Variants in P2RY8 observed in about 807,000 individuals in gnomAD.
P2RY8 encodes the protein S-geranylgeranyl-glutathione receptor P2RY8.
P2RY8 carries 6 observed loss-of-function variants against 10.0 expected under a neutral mutation model. That is an observed-to-expected ratio of 0.60 (90% CI 0.33 to 1.19). P2RY8 has a LOEUF of 1.19. Ranked by LOEUF, P2RY8 falls within the 50% of genes most tolerant of loss-of-function variation. The pLI is 0.04. For synonymous variants in P2RY8, 276 were observed against 252.5 expected (o/e 1.09, Z -0.88); for missense variants, 456 against 542.0 (o/e 0.84, Z 1.58).
chrX:1,514,992 C>T (rs1206743906), intron 1 of P2RY8, among the ~76,000 whole-genome samples: 1 of 148,704 alleles, frequency 6.7e-6, no homozygotes, highest in African/African-American at 2.5e-5. Flanking sequence ...TAACCTCAGC[C>T]TCCCTGGTTC....
At chrX:1,529,738 T>C (rs2092460398) in intron 1 of P2RY8, among the ~76,000 whole-genome samples, 2 of 152,136 alleles carry the variant, frequency 1.3e-5, no homozygotes, top group Admixed American at 1.3e-4. Flanking sequence ...CTGGCACCTA[T>C]ATCTATTTAT....
intron 1 of P2RY8, among the ~76,000 whole-genome samples, chrX:1,527,937 G>C (rs777526776): frequency 6.6e-6 from 1 of 152,230 alleles, no homozygotes; most frequent in South Asian, 2.1e-4. Flanking sequence ...GCCCCTACAG[G>C]GACCCTGCTC....
chrX:1,509,982 C>CATCT (rs368718118), intron 1 of P2RY8, among the ~76,000 whole-genome samples: 49,348 of 151,214 alleles, frequency 0.33, 8,265 homozygotes, highest in South Asian at 0.38. Context: ...TCCATCCATC[C>CATCT]ATCATCTATG....
intron 1 of P2RY8, among the ~76,000 whole-genome samples, chrX:1,517,200 G>A (rs143910752): frequency 2.1e-3 from 323 of 152,024 alleles, no homozygotes; most frequent in African/African-American, 7.4e-3. Flanking sequence ...TGTGGTAGCA[G>A]CCTGAGATGG....
chrX:1,514,552 C>G (rs1335786297), intron 1 of P2RY8, among the ~76,000 whole-genome samples: 1 of 832 alleles, frequency 1.2e-3, no homozygotes, highest in African/African-American at 1.7e-3. Flanking sequence ...TTTCCCTTCT[C>G]TTCCCTTCCC....
Position 1,465,591 on chromosome X carries a change from T to C in P2RY8, c.968A>G (p.Glu323Gly), listed in dbSNP as rs777567195. The change falls in exon 2 of 2, where the codon GAG (glutamate) becomes GGG (glycine). Residue 323 changes from glutamate to glycine, a missense_variant. Coordinates refer to ENST00000381297, the MANE Select transcript of P2RY8 (RefSeq NM_178129.5). ...VPRDTLDTRRESLFSARTTSV... is the reference protein window; with the variant it reads ...VPRDTLDTRRGSLFSARTTSV... ...CGTGGTCCTGGCGGAGAAGAGGCTC[T>C]CGCGGCGCGTGTCCAGGGTGTCTCT... 3.2e-5 allele frequency: 51 copies of C among 1,613,010 alleles called. No individual in the cohort carries two copies. The East Asian group carries it at 1.0e-3, about 33-fold the overall frequency.
chrX:1,469,576 C>T (rs1336634034), intron 1 of P2RY8, among the ~76,000 whole-genome samples: 1 of 152,002 alleles, frequency 6.6e-6, no homozygotes, highest in African/African-American at 2.4e-5. Flanking sequence ...CTCCTCCAGC[C>T]CTCTCACTTA....
chrX:1,530,525 C>T (rs1324709287), intron 1 of P2RY8, among the ~76,000 whole-genome samples: 6 of 144,130 alleles, frequency 4.2e-5, no homozygotes, highest in East Asian at 4.1e-4. Flanking sequence ...AATTTATGTA[C>T]GTACATATGT....
chrX:1,493,468 G>A (rs1302708461), intron 1 of P2RY8, among the ~76,000 whole-genome samples: 1 of 140,166 alleles, frequency 7.1e-6, no homozygotes, highest in Non-Finnish European at 1.6e-5. Context: ...AGGGAGGAGG[G>A]AGGGAGGGAA....
chrX:1,515,949 G>GGT (rs1556684130), intron 1 of P2RY8, among the ~76,000 whole-genome samples: 4 of 114,460 alleles, frequency 3.5e-5, no homozygotes, highest in African/African-American at 8.6e-5. Flanking sequence ...CGAGGGGTCG[G>GGT]GGGGTGGTGG....
chrX:1,509,119 CTAT>C (rs2092267558), intron 1 of P2RY8, among the ~76,000 whole-genome samples: 1 of 151,788 alleles, frequency 6.6e-6, no homozygotes, highest in African/African-American at 2.4e-5. Context: ...ATCTATCTAT[CTAT>C]CTATCTATCT....
At chrX:1,497,804 G>A (rs2092132289) in intron 1 of P2RY8, among the ~76,000 whole-genome samples, 1 of 152,124 alleles carries the variant, frequency 6.6e-6, no homozygotes, top group South Asian at 2.1e-4. Context: ...TTGGGGTGCA[G>A]TGGGGCGGCG....
intron 1 of P2RY8, among the ~76,000 whole-genome samples, chrX:1,482,417 C>T (rs2091945304): frequency 6.6e-6 from 1 of 151,974 alleles, no homozygotes; most frequent in Non-Finnish European, 1.5e-5. Flanking sequence ...CCACAGTGCC[C>T]ATGGTTTTAG....
intron 1 of P2RY8, among the ~76,000 whole-genome samples, chrX:1,496,186 C>A (rs1205115974): frequency 6.6e-6 from 1 of 152,180 alleles, no homozygotes; most frequent in Non-Finnish European, 1.5e-5. Context: ...TGGAAGTGAA[C>A]TTGGGATGCT....
intron 1 of P2RY8, among the ~76,000 whole-genome samples, chrX:1,509,759 A>G (rs1451216767): frequency 1.0e-3 from 119 of 117,318 alleles, no homozygotes; most frequent in South Asian, 3.2e-3. Flanking sequence ...CTGTCTATCT[A>G]TCTATCTATC....
At chrX:1,512,478 T>C (rs766028824) in intron 1 of P2RY8, among the ~76,000 whole-genome samples, 59 of 130,398 alleles carry the variant, frequency 4.5e-4, no homozygotes, top group African/African-American at 1.4e-3. Flanking sequence ...ACCTGGGAGG[T>C]GGAGGTTGCA....
chrX:1,515,243 T>C, intron 1 of P2RY8, among the ~76,000 whole-genome samples: 1 of 151,614 alleles, frequency 6.6e-6, no homozygotes, highest in South Asian at 2.1e-4. Flanking sequence ...ATTATTATTT[T>C]TTAAAGATAA....
At chrX:1,478,573 G>A (rs2091902213) in intron 1 of P2RY8, among the ~76,000 whole-genome samples, 1 of 151,922 alleles carries the variant, frequency 6.6e-6, no homozygotes, top group South Asian at 2.1e-4. Context: ...CCGCCTCCCG[G>A]GTTCAAGCGA....
At chrX:1,502,282 G>A (rs1425974061) in intron 1 of P2RY8, among the ~76,000 whole-genome samples, 1 of 152,096 alleles carries the variant, frequency 6.6e-6, no homozygotes, top group African/African-American at 2.4e-5. Context: ...GAAGATACAC[G>A]AGCAAGAACA....
Sources: allele counts gnomAD v4.1 joint callset (sites outside exome capture counted in the v4.1 genomes callset), GRCh38; gene constraint gnomAD v4.1.1; transcripts MANE v1.5; gene names NCBI Gene and HGNC (gene_info 2026-07-23, HGNC 2026-07-21).